FLRT1: variants seen among roughly 807,000 people sequenced by gnomAD.
FLRT1 encodes the protein fibronectin leucine rich transmembrane protein 1.
A neutral mutation model predicts 30.9 loss-of-function variants in FLRT1; 14 were observed. The observed-to-expected ratio is 0.45, with a 90% CI of 0.30 to 0.71. FLRT1 has a LOEUF of 0.71. Ranked by LOEUF, FLRT1 falls within the 30% of genes least tolerant of loss-of-function variation. The pLI, the probability that FLRT1 is intolerant of heterozygous loss-of-function variation, is 0.08. For missense variants in FLRT1, 737 were observed against 949.2 expected, an observed-to-expected ratio of 0.78 and a Z score of 2.94; for synonymous variants, 368 against 430.4, an observed-to-expected ratio of 0.85 and a Z score of 1.80.
chr11:64,088,607 G>GT (rs397793676), intron 1 of FLRT1, among the ~76,000 whole-genome samples: 1 of 152,032 alleles, frequency 6.6e-6, no homozygotes, highest in Non-Finnish European at 1.5e-5. Context: ...TCCTCCCCGG[G>GT]TTTTGTTTTT....
At chr11:64,052,852 G>A (rs949974456) in intron 1 of FLRT1, among the ~76,000 whole-genome samples, 2 of 152,162 alleles carry the variant, frequency 1.3e-5, no homozygotes, top group Non-Finnish European at 2.9e-5. Context: ...GGTGCCAGCA[G>A]CTTTAATTAT....
chr11:64,084,383 C>T (rs1443064306), intron 1 of FLRT1, among the ~76,000 whole-genome samples: 5 of 152,156 alleles, frequency 3.3e-5, no homozygotes, highest in Admixed American at 3.3e-4. Context: ...ATTTCCTGCT[C>T]TGCCCCCGCT....
At chr11:64,050,858 A>C (rs1943680190) in intron 1 of FLRT1, among the ~76,000 whole-genome samples, 1 of 152,188 alleles carries the variant, frequency 6.6e-6, no homozygotes, top group African/African-American at 2.4e-5. Flanking sequence ...ACCTCAGGTG[A>C]TCCGCCTGCC....
chr11:64,066,556 CT>C (rs1421809219), intron 1 of FLRT1, among the ~76,000 whole-genome samples: 1 of 151,000 alleles, frequency 6.6e-6, no homozygotes, highest in Non-Finnish European at 1.5e-5. Context: ...GAGGTCAAGG[CT>C]ACAGTGCAGT....
intron 1 of FLRT1, among the ~76,000 whole-genome samples, chr11:64,050,172 T>C (rs1943666223): frequency 6.6e-6 from 1 of 151,660 alleles, no homozygotes; most frequent in East Asian, 1.9e-4. Flanking sequence ...CTCCCACCTC[T>C]CCCTCCACCC....
chr11:64,066,456 A>C (rs1420884193), intron 1 of FLRT1, among the ~76,000 whole-genome samples: 1 of 151,674 alleles, frequency 6.6e-6, no homozygotes, highest in Non-Finnish European at 1.5e-5. Flanking sequence ...ATCTCTACAA[A>C]AAATTTTAAA....
rs58132988 is a variant in FLRT1, at chr11:64,065,316, C to T, written c.-1038+29157C>T. Reference sequence around the variant, plus strand: ...GGCAAGCGTCAGCTGCCTCAACATGCAGGAGGCCAGGCTTTGTTCTGAGGG... The same window carrying T: ...GGCAAGCGTCAGCTGCCTCAACATGTAGGAGGCCAGGCTTTGTTCTGAGGG... On this transcript the variant is annotated intron_variant, in intron 1 of 2. Coordinates refer to ENST00000682287, the MANE Select transcript of FLRT1 (RefSeq NM_013280.5). Among the ~76,000 whole-genome samples, 513 of 152,298 alleles carry T rather than the reference C, an allele frequency of 3.4e-3. 2 individuals are homozygous for T. The highest frequency in any genetic ancestry group is 0.012 in the African/African-American group (485 of 41,546).
rs116382657 is a variant in FLRT1 at position 64,109,504 on chromosome 11, G to A, written c.-50+5323G>A. 1.8e-3 allele frequency among the ~76,000 whole-genome samples: 267 copies of A among 152,304 alleles called. 3 individuals carry two copies. Among genetic ancestry groups the A allele is most frequent in the African/African-American group, 6.1e-3 (255 of 41,556 alleles). On this transcript the variant is annotated intron_variant, in intron 2 of 2. Transcript: ENST00000682287. ...GCTTCTGGGGAGGGCTGCAGAGGGG[G>A]TGGAAAGGGGAGGGACAGAAGCCTC... is the stretch of plus-strand genomic sequence containing the variant.
Position 64,117,930 on chromosome 11 carries a change from G to A in FLRT1, c.1663G>A (p.Gly555Ser), listed in dbSNP as rs1945022173. Residue 555 changes from glycine (G) to serine (S), a missense_variant, in exon 3 of 3, where the codon GGC becomes AGC. Coordinates refer to ENST00000682287, the MANE Select transcript of FLRT1 (RefSeq NM_013280.5). ...AGPMASLPLA[G>S]IIGGAVALVF... is the part of the protein sequence containing the mutation. ...CCCCATGGCGAGCCTGCCCCTGGCG[G>A]GCATCATCGGCGGGGCAGTGGCTCT... 1 of 1,613,962 alleles carries A rather than the reference G, an allele frequency of 6.2e-7. No homozygotes were observed.
intron 2 of FLRT1, among the ~76,000 whole-genome samples, chr11:64,104,757 T>A (rs1376502837): frequency 6.6e-6 from 1 of 152,132 alleles, no homozygotes; most frequent in Non-Finnish European, 1.5e-5. Flanking sequence ...CAGTTCAGCC[T>A]CTTTGTTGGT....
chr11:64,111,081 C>G (rs193060033), intron 2 of FLRT1, among the ~76,000 whole-genome samples: 5 of 152,332 alleles, frequency 3.3e-5, no homozygotes, highest in Admixed American at 3.3e-4. Context: ...CTGAAAGGTG[C>G]AATTTAGACT....
At chr11:64,106,978 G>A (rs1163851260) in intron 2 of FLRT1, among the ~76,000 whole-genome samples, 1 of 152,174 alleles carries the variant, frequency 6.6e-6, no homozygotes, top group African/African-American at 2.4e-5. Flanking sequence ...CCGCCTCCCA[G>A]GTTCAAGTGA....
chr11:64,084,442 C>T (rs931106523), intron 1 of FLRT1, among the ~76,000 whole-genome samples: 1 of 151,962 alleles, frequency 6.6e-6, no homozygotes, highest in African/African-American at 2.4e-5. Context: ...GCACTGTGGG[C>T]AGGCGCTGTG....
chr11:64,070,012 G>A (rs1944077492), intron 1 of FLRT1, among the ~76,000 whole-genome samples: 1 of 152,160 alleles, frequency 6.6e-6, no homozygotes, highest in South Asian at 2.1e-4. Context: ...GGGACAGGCG[G>A]GGATGGTGAG....
In FLRT1 at chr11:64,090,809, C is replaced by T. The variant is rs1406951635; in HGVS notation, c.-1037-12385C>T. On this transcript the variant is annotated intron_variant, in intron 1 of 2. Coordinates refer to ENST00000682287, the MANE Select transcript of FLRT1 (RefSeq NM_013280.5). This position sits in a 1 kb window ranked among gnomAD's most constrained non-coding sequence, Gnocchi z 4.7. The stretch of plus-strand genomic sequence containing the variant: ...AGGCACTTGGGGTTTGTCTCTGGGG[C>T]TCTGCAGAAGCAGAGCCCGAGTCGG... Among the ~76,000 whole-genome samples the T allele has an allele frequency of 7.9e-5, 12 of 152,100 alleles. No homozygotes were observed. Among genetic ancestry groups the T allele is most frequent in the Admixed American group, 7.2e-4 (11 of 15,288 alleles).
chr11:64,092,622 T>G (rs1944509848), intron 1 of FLRT1, among the ~76,000 whole-genome samples: 1 of 152,222 alleles, frequency 6.6e-6, no homozygotes, highest in Non-Finnish European at 1.5e-5. Flanking sequence ...AGCCCTCACT[T>G]GCTGCAGGCA....
At chr11:64,095,308 A>G in intron 1 of FLRT1, among the ~76,000 whole-genome samples, 1 of 152,194 alleles carries the variant, frequency 6.6e-6, no homozygotes, top group East Asian at 1.9e-4. Flanking sequence ...TCAATTAACA[A>G]CAAGAAAAGG....
intron 1 of FLRT1, among the ~76,000 whole-genome samples, chr11:64,065,577 C>G (rs1195134422): frequency 6.6e-6 from 1 of 151,892 alleles, no homozygotes; most frequent in Non-Finnish European, 1.5e-5. Flanking sequence ...ATCACGAGGT[C>G]AGGAGATCAA....
intron 1 of FLRT1, among the ~76,000 whole-genome samples, chr11:64,048,100 C>T (rs376810583): frequency 2.6e-5 from 4 of 152,258 alleles, no homozygotes; most frequent in South Asian, 4.1e-4. Flanking sequence ...CCCTGGCCGG[C>T]GGGAGGCAGT....
Sources: allele counts gnomAD v4.1 joint callset (sites outside exome capture counted in the v4.1 genomes callset), GRCh38; gene constraint gnomAD v4.1.1; non-coding constraint Gnocchi (gnomAD v3.1); transcripts MANE v1.5; gene names NCBI Gene and HGNC (gene_info 2026-07-23, HGNC 2026-07-21).